The following SNTG2 variants were observed in gnomAD, a reference collection of about 807,000 sequenced individuals.
SNTG2 encodes the protein gamma-2-syntrophin.
A neutral mutation model predicts 70.9 loss-of-function variants in SNTG2; 74 were observed. The ratio of observed to expected loss-of-function variants is 1.04; its 90% CI spans 0.86 to 1.27. The LOEUF is 1.27. Among genes scored for constraint, SNTG2 ranks in the 50% most tolerant of loss-of-function variants. SNTG2 has a pLI of 0.00. For missense variants in SNTG2, 717 were observed against 690.7 expected (o/e 1.04, Z -0.43); for synonymous variants, 278 against 273.8 (o/e 1.02, Z -0.15).
At chr2:1,167,506 C>T (rs542615998) in intron 7 of SNTG2, among the ~76,000 whole-genome samples, 19 of 135,372 alleles carry the variant, frequency 1.4e-4, no homozygotes, top group African/African-American at 4.9e-4. Context: ...CGCCCACAGA[C>T]GGCAGAACTG....
At chr2:1,257,212 A>G (rs529557335) in intron 12 of SNTG2, among the ~76,000 whole-genome samples, 3 of 152,254 alleles carry the variant, frequency 2.0e-5, no homozygotes, top group African/African-American at 7.2e-5. Context: ...CACAATAGAA[A>G]TGGTTCCATC....
chr2:1,234,541 C>T (rs1360826029), intron 9 of SNTG2, among the ~76,000 whole-genome samples: 1 of 152,182 alleles, frequency 6.6e-6, no homozygotes, highest in Non-Finnish European at 1.5e-5. Context: ...TGAAGCCCAT[C>T]GTACGGACAA....
intron 8 of SNTG2, among the ~76,000 whole-genome samples, chr2:1,190,584 A>G (rs1366240657): frequency 2.0e-5 from 3 of 147,760 alleles, no homozygotes; most frequent in African/African-American, 5.0e-5. Context: ...CTGTAAATGT[A>G]TATATATAAT....
chr2:1,102,250 C>T (rs1213076638), intron 4 of SNTG2, among the ~76,000 whole-genome samples: 1 of 152,134 alleles, frequency 6.6e-6, no homozygotes, highest in African/African-American at 2.4e-5. Flanking sequence ...GTAAGAGAGT[C>T]AGCTGAAGTT....
intron 4 of SNTG2, among the ~76,000 whole-genome samples, chr2:1,132,915 T>C (rs555162117): frequency 7.9e-5 from 12 of 152,342 alleles, no homozygotes; most frequent in African/African-American, 2.9e-4. Flanking sequence ...TGGCCACATA[T>C]GTGTCCCCAA....
chr2:1,117,337 A>G (rs1667080967), intron 4 of SNTG2, among the ~76,000 whole-genome samples: 1 of 152,160 alleles, frequency 6.6e-6, no homozygotes, highest in South Asian at 2.1e-4. Context: ...TGTAATTTTA[A>G]ACAAGTTCCT....
chr2:1,232,589 T>G (rs1167413286), intron 9 of SNTG2, among the ~76,000 whole-genome samples: 1 of 152,232 alleles, frequency 6.6e-6, no homozygotes, highest in Non-Finnish European at 1.5e-5. Flanking sequence ...TGAGCCACCA[T>G]GCCCAGCCCA....
At chr2:1,335,335 G>A (rs1659765601) in intron 16 of SNTG2, among the ~76,000 whole-genome samples, 1 of 152,214 alleles carries the variant, frequency 6.6e-6, no homozygotes, top group Admixed American at 6.5e-5. Flanking sequence ...CTCTCTCAGT[G>A]TTGAGAGAAG....
At chr2:1,040,323 C>G (rs1045020112) in intron 1 of SNTG2, among the ~76,000 whole-genome samples, 16 of 152,146 alleles carry the variant, frequency 1.1e-4, no homozygotes, top group Non-Finnish European at 2.1e-4. Context: ...TTTGAGAACC[C>G]CTTCTCTGGC....
intron 6 of SNTG2, among the ~76,000 whole-genome samples, chr2:1,162,962 G>A (rs917915222): frequency 1.8e-4 from 27 of 152,210 alleles, no homozygotes; most frequent in South Asian, 4.1e-4. Flanking sequence ...AGCAGGGGAG[G>A]AAAGACGCCT....
intron 16 of SNTG2, among the ~76,000 whole-genome samples, chr2:1,358,854 C>G (rs1052230835): frequency 6.6e-6 from 1 of 152,092 alleles, no homozygotes; most frequent in African/African-American, 2.4e-5. Flanking sequence ...TATACCTGTT[C>G]AGTCTATAGT....
intron 6 of SNTG2, among the ~76,000 whole-genome samples, chr2:1,143,518 G>A (rs924809374): frequency 1.3e-5 from 2 of 151,834 alleles, no homozygotes; most frequent in African/African-American, 2.4e-5. Context: ...GGGGATAAAC[G>A]GGTTCTTACC....
At chr2:1,167,205 C>T (rs1234204490) in intron 7 of SNTG2, among the ~76,000 whole-genome samples, 1 of 150,704 alleles carries the variant, frequency 6.6e-6, no homozygotes, top group Non-Finnish European at 1.5e-5. Context: ...AGGCCGCCCA[C>T]AGATGGCGGA....
intron 9 of SNTG2, among the ~76,000 whole-genome samples, chr2:1,223,976 C>G (rs1024181600): frequency 1.3e-5 from 2 of 152,196 alleles, no homozygotes; most frequent in Non-Finnish European, 2.9e-5. Flanking sequence ...ATGCGTCCCT[C>G]GAGCTCTGAA....
At chr2:1,188,459 CAAG>C (rs1222572892) in intron 8 of SNTG2, among the ~76,000 whole-genome samples, 4 of 151,870 alleles carry the variant, frequency 2.6e-5, no homozygotes, top group South Asian at 4.2e-4. Flanking sequence ...TAATAACAAA[CAAG>C]AAAATTCAGC....
rs186722834 is a variant in SNTG2 at position 1,269,282 on chromosome 2, T to A, written c.1284+1711T>A. 6.6e-4 allele frequency among the ~76,000 whole-genome samples: 100 copies of A among 152,100 alleles called. No individual in the cohort carries two copies. In the East Asian group the frequency reaches 0.017, roughly 26 times the overall value. ...CCTTCTGGAGGCTAAGAAAAGAGGA[T>A]CCCTTGAGCCTCAGAATTAGAGACC... On this transcript the variant is annotated intron_variant, in intron 14 of 16. Transcript: ENST00000308624.
At chr2:1,367,027 TAATC>T (rs1266153282) in intron 16 of SNTG2, among the ~76,000 whole-genome samples, 4 of 152,190 alleles carry the variant, frequency 2.6e-5, no homozygotes, top group Non-Finnish European at 4.4e-5. Flanking sequence ...GGGTCTGACT[TAATC>T]AAGACCCATC....
chr2:980,355 G>A (rs1011170163), intron 1 of SNTG2, among the ~76,000 whole-genome samples: 1 of 152,138 alleles, frequency 6.6e-6, no homozygotes, highest in Non-Finnish European at 1.5e-5. Context: ...TAAAACAGCT[G>A]ATGATGAATA....
intron 1 of SNTG2, among the ~76,000 whole-genome samples, chr2:1,055,286 C>T (rs1244533907): frequency 3.9e-5 from 6 of 152,184 alleles, no homozygotes; most frequent in African/African-American, 1.2e-4. Context: ...GGCTTGGGGC[C>T]GCTCTGCTCG....
Sources: gnomAD v4.1 joint callset for allele counts (sites outside exome capture counted in the v4.1 genomes callset) on GRCh38, gnomAD v4.1.1 for gene constraint, MANE v1.5 for transcripts, NCBI Gene and HGNC (gene_info 2026-07-23, HGNC 2026-07-21) for gene names.